Variants in NINL observed in about 807,000 individuals in gnomAD.
The protein encoded by NINL is ninein-like protein.
Under a neutral mutation model 160.3 loss-of-function variants are expected in NINL, and 153 were observed. The ratio of observed to expected loss-of-function variants is 0.95; its 90% CI spans 0.84 to 1.09. The LOEUF is 1.09. NINL is among the 50% of genes least tolerant of loss of function. The pLI is 0.00. For synonymous variants in NINL, 800 were observed against 734.8 expected (o/e 1.09, Z -1.43); for missense variants, 1,829 against 1,764.0 (o/e 1.04, Z -0.66).
intron 7 of NINL, 51 bp from the exon 8 acceptor site, chr20:25,501,061 TG>T: frequency 6.4e-7 from 1 of 1,571,780 alleles, no homozygotes; most frequent in Non-Finnish European, 8.6e-7. Flanking sequence ...GCCTCACGCC[TG>T]TGTGCTGCTG....
In NINL at chr20:25,511,389, T is replaced by A. The variant is rs556339849; in HGVS notation, c.451-649A>T. 2.0e-5 allele frequency among the ~76,000 whole-genome samples: 3 copies of A among 152,310 alleles called. No individual in the cohort carries two copies. In the East Asian group the frequency reaches 5.8e-4, roughly 29 times the overall value. ...ACACGCGACTTAAGTAAAAACCTCG[T>A]GCTGCAGTGACTGCGTCAGCCAACT... On this transcript the variant is annotated intron_variant, in intron 4 of 23. Transcript: ENST00000278886.
chr20:25,505,577 T>C (rs563998122), intron 5 of NINL, among the ~76,000 whole-genome samples: 1 of 152,298 alleles, frequency 6.6e-6, no homozygotes, highest in South Asian at 2.1e-4. Flanking sequence ...CTTAAATATA[T>C]ACAATTTTTA....
chr20:25,491,121 G>A (rs1248855649), intron 11 of NINL, among the ~76,000 whole-genome samples: 4 of 152,234 alleles, frequency 2.6e-5, no homozygotes, highest in Admixed American at 2.6e-4. Flanking sequence ...CAGAAAGTGG[G>A]AGTGGTGGGG....
chr20:25,480,395 G>A (rs970812604), intron 14 of NINL, 128 bp from the exon 15 acceptor site: 6 of 685,780 alleles, frequency 8.7e-6, no homozygotes, highest in East Asian at 2.7e-5. Context: ...TGAGGATGAC[G>A]CTGCGTCCTT....
At chr20:25,554,695 TA>T (rs1405942062) in intron 1 of NINL, among the ~76,000 whole-genome samples, 1 of 149,524 alleles carries the variant, frequency 6.7e-6, no homozygotes, top group African/African-American at 2.5e-5. Flanking sequence ...TAGTCCTAGC[TA>T]TTCAGGAAGC....
chr20:25,552,088 T>C (rs996619503), intron 1 of NINL, among the ~76,000 whole-genome samples: 2 of 152,180 alleles, frequency 1.3e-5, no homozygotes, highest in Non-Finnish European at 2.9e-5. Flanking sequence ...AGAACAGCAG[T>C]TGCATGACTC....
intron 1 of NINL, among the ~76,000 whole-genome samples, chr20:25,553,762 C>T (rs1002564993): frequency 3.3e-5 from 5 of 152,208 alleles, no homozygotes; most frequent in African/African-American, 7.2e-5. Context: ...TCAACAGGCA[C>T]GATGGGAAGA....
At chr20:25,467,596 C>T in intron 18 of NINL, 138 bp from the exon 19 acceptor site, 1 of 690,038 alleles carries the variant, frequency 1.4e-6, no homozygotes, top group Non-Finnish European at 2.7e-6. Flanking sequence ...TGGCATTCTC[C>T]AGCCCCTCTC....
chr20:25,559,993 T>G (rs2064915518), intron 1 of NINL, among the ~76,000 whole-genome samples: 1 of 152,196 alleles, frequency 6.6e-6, no homozygotes, highest in Admixed American at 6.5e-5. Context: ...AGTGTAGTGG[T>G]GTGAACATGA....
rs2063767658 is a variant in NINL at position 25,496,925 on chromosome 20, G to A, written c.1170-122C>T. 7.7e-6 allele frequency: 10 copies of A among 1,291,484 alleles called. No individual in the cohort carries two copies. The South Asian group carries it at 1.3e-4, about 17-fold the overall frequency. The allele number at this position is 1,291,484 out of a possible 1,614,324, so 80.0% of individuals were successfully genotyped here. On this transcript the variant is annotated intron_variant, in intron 9 of 23. Coordinates refer to ENST00000278886, the MANE Select transcript of NINL (RefSeq NM_025176.6). The stretch of plus-strand genomic sequence containing the variant: ...AAACTAGCACACCAACTATACAGCG[G>A]GCACTGCTCCACCAGCCTGCTCCTA...
intron 13 of NINL, among the ~76,000 whole-genome samples, chr20:25,486,814 T>C (rs1568895330): frequency 6.6e-6 from 1 of 152,166 alleles, no homozygotes; most frequent in Non-Finnish European, 1.5e-5. Flanking sequence ...GGGAAATCAT[T>C]CAGAGTGAAT....
At chr20:25,529,394 C>G (rs79060758) in intron 1 of NINL, among the ~76,000 whole-genome samples, 84 of 152,292 alleles carry the variant, frequency 5.5e-4, no homozygotes, top group Non-Finnish European at 1.0e-3. Flanking sequence ...AGTATCTACA[C>G]TGAGAATGAA....
At chr20:25,492,454 G>A (rs567448446) in intron 10 of NINL, among the ~76,000 whole-genome samples, 1 of 151,492 alleles carries the variant, frequency 6.6e-6, no homozygotes. Flanking sequence ...GCAACATGGT[G>A]TCATTTTTTT....
At chr20:25,469,961 A>G (rs1374914783) in intron 18 of NINL, 30 bp downstream of exon 18, 1 of 1,553,480 alleles carries the variant, frequency 6.4e-7, no homozygotes, top group Non-Finnish European at 8.9e-7. Flanking sequence ...ACGCACCCCC[A>G]GAAGGTCTGG....
At chr20:25,459,534 G>A (rs1021763259) in intron 21 of NINL, among the ~76,000 whole-genome samples, 7 of 152,152 alleles carry the variant, frequency 4.6e-5, no homozygotes, top group Admixed American at 1.3e-4. Flanking sequence ...GCCTTCTCCC[G>A]AAGGCTCGTC....
chr20:25,471,646 C>G (rs1473384832), intron 17 of NINL, among the ~76,000 whole-genome samples: 2 of 152,236 alleles, frequency 1.3e-5, no homozygotes, highest in Admixed American at 6.5e-5. Flanking sequence ...CGCGTGAGCA[C>G]TATGCAACAC....
At chr20:25,508,077 G>A (rs995791695) in intron 5 of NINL, among the ~76,000 whole-genome samples, 2 of 152,224 alleles carry the variant, frequency 1.3e-5, no homozygotes, top group African/African-American at 4.8e-5. Context: ...CAAGTTCAAG[G>A]ATGTAAGACA....
At chr20:25,562,784 AC>A (rs1568968680) in intron 1 of NINL, among the ~76,000 whole-genome samples, 2 of 151,988 alleles carry the variant, frequency 1.3e-5, no homozygotes, top group Admixed American at 6.6e-5. Context: ...AAAAAAAAAA[AC>A]AAAAACAAAA....
chr20:25,519,989 CAAAAAAAA>C (rs59160061), intron 2 of NINL, among the ~76,000 whole-genome samples: 1 of 12,128 alleles, frequency 8.2e-5, no homozygotes, highest in Non-Finnish European at 2.1e-4. Context: ...GACCCCGTCT[CAAAAAAAA>C]AAAAAAAAAA....
Sources: gnomAD v4.1 joint callset for allele counts (sites outside exome capture counted in the v4.1 genomes callset) on GRCh38, gnomAD v4.1.1 for gene constraint, MANE v1.5 for transcripts, NCBI Gene and HGNC (gene_info 2026-07-23, HGNC 2026-07-21) for gene names.